ADAMTS17: variants seen among roughly 807,000 people sequenced by gnomAD.
The protein encoded by ADAMTS17 is ADAM metallopeptidase with thrombospondin type 1 motif 17.
In ADAMTS17, 113 loss-of-function variants were observed where a neutral mutation model predicts 141.5. The ratio of observed to expected loss-of-function variants is 0.80; its 90% CI spans 0.69 to 0.93. The LOEUF is 0.93. Ranked by LOEUF, ADAMTS17 falls within the 40% of genes least tolerant of loss-of-function variation. ADAMTS17 has a pLI of 0.00. For missense variants in ADAMTS17, 1,659 were observed against 1,517.9 expected, an observed-to-expected ratio of 1.09 and a Z score of -1.54; for synonymous variants, 768 against 630.6, an observed-to-expected ratio of 1.22 and a Z score of -3.27.
chr15:100,300,198 G>A (rs757082541), intron 3 of ADAMTS17, among the ~76,000 whole-genome samples: 15 of 152,058 alleles, frequency 9.9e-5, no homozygotes, highest in Non-Finnish European at 1.8e-4. Context: ...AGAGGCCTCT[G>A]GAGTGTCACA....
intron 7 of ADAMTS17, among the ~76,000 whole-genome samples, chr15:100,215,364 G>A (rs569819415): frequency 1.3e-5 from 2 of 152,312 alleles, no homozygotes; most frequent in African/African-American, 4.8e-5. Flanking sequence ...ATTAGGGCCC[G>A]AATGTCTGGC....
At chr15:100,286,509 T>C (rs57179756) in intron 3 of ADAMTS17, among the ~76,000 whole-genome samples, 22,628 of 152,048 alleles carry the variant, frequency 0.15, 2,639 homozygotes, top group African/African-American at 0.33. Flanking sequence ...AAAACAAAGC[T>C]GGGAAACTCA....
At position 100,014,356 on chromosome 15, in the gene ADAMTS17, A is replaced by T. The variant is rs554603214; in HGVS notation, c.2592-16767T>A. Among the ~76,000 whole-genome samples the T allele has an allele frequency of 1.1e-4, 16 of 151,698 alleles. No homozygotes were observed. The South Asian group carries it at 2.9e-3, about 28-fold the overall frequency. On this transcript the variant is annotated intron_variant, in intron 18 of 21. Transcript: ENST00000268070. ...ACCAGCTTTTTGTTTATCTTTTTTT[A>T]AATTCAATTTCATTTAGTTCTGCTC...
intron 19 of ADAMTS17, among the ~76,000 whole-genome samples, chr15:99,995,716 A>C (rs776486026): frequency 7.9e-5 from 12 of 152,220 alleles, no homozygotes; most frequent in Non-Finnish European, 1.5e-4. Flanking sequence ...CTTCCAGCGG[A>C]AGACAGTCTC....
At chr15:100,310,823 C>T (rs926327088) in intron 3 of ADAMTS17, among the ~76,000 whole-genome samples, 7 of 152,198 alleles carry the variant, frequency 4.6e-5, no homozygotes, top group African/African-American at 1.2e-4. Flanking sequence ...GAGAAAGGTA[C>T]CAGCTCCTTC....
In ADAMTS17 at chr15:100,279,278, C is replaced by T. The variant is rs139709479; in HGVS notation, c.789+1951G>A. On this transcript the variant is annotated intron_variant, in intron 4 of 21. Transcript: ENST00000268070. ...TTGGGCTTCATGTCAGAGCCAACTT[C>T]CTCCCCAGCACTTACCCCTGAGCTC... Among the ~76,000 whole-genome samples, 861 of 152,344 alleles carry T rather than the reference C, an allele frequency of 5.7e-3. 3 individuals are homozygous for T. The highest frequency in any genetic ancestry group is 7.8e-3 in the Non-Finnish European group (528 of 68,030).
intron 4 of ADAMTS17, among the ~76,000 whole-genome samples, chr15:100,277,569 A>T (rs1181247773): frequency 6.6e-6 from 1 of 152,208 alleles, no homozygotes; most frequent in Admixed American, 6.5e-5. Flanking sequence ...AGATGAAAAC[A>T]TCTGGTGCAG....
Position 99,975,962 on chromosome 15 carries a change from G to A in ADAMTS17, c.3127+83C>T. On this transcript the variant is annotated intron_variant, in intron 21 of 21. Transcript: ENST00000268070. ...AGGCCCAAGAAGGGGCTTTCTGGCT[G>A]AAAGAACCTCACCGTCAGGGAGGAC... is the stretch of plus-strand genomic sequence containing the variant. 2.8e-6 allele frequency: 4 copies of A among 1,441,684 alleles called. No homozygotes were observed. The South Asian group carries it at 5.6e-5, about 20-fold the overall frequency. The allele number at this position is 1,441,684 out of a possible 1,614,324, so 89.3% of individuals were successfully genotyped here. A position where few individuals can be genotyped will look rare whatever the true frequency, so the allele number is the denominator to read the frequency against.
At chr15:100,170,903 G>A (rs1447115152) in intron 8 of ADAMTS17, among the ~76,000 whole-genome samples, 1 of 152,154 alleles carries the variant, frequency 6.6e-6, no homozygotes, top group East Asian at 1.9e-4. Context: ...GGTGGCACCC[G>A]TTACTTTATT....
At chr15:100,273,798 TTAAG>T (rs2043991261) in intron 4 of ADAMTS17, among the ~76,000 whole-genome samples, 1 of 152,178 alleles carries the variant, frequency 6.6e-6, no homozygotes, top group African/African-American at 2.4e-5. Flanking sequence ...ATTTTTCTTT[TTAAG>T]TGTTTACCGC....
At chr15:100,177,262 C>T (rs1467829940) in intron 8 of ADAMTS17, among the ~76,000 whole-genome samples, 1 of 152,224 alleles carries the variant, frequency 6.6e-6, no homozygotes, top group Non-Finnish European at 1.5e-5. Context: ...AATCTTTCGT[C>T]TTTTCTAATG....
intron 15 of ADAMTS17, among the ~76,000 whole-genome samples, chr15:100,094,995 C>T (rs1349694530): frequency 6.6e-6 from 1 of 152,214 alleles, no homozygotes; most frequent in East Asian, 1.9e-4. Context: ...CCGTGTGCAG[C>T]AACGGAGTAC....
intron 10 of ADAMTS17, among the ~76,000 whole-genome samples, chr15:100,143,303 T>C (rs2038746310): frequency 6.6e-6 from 1 of 152,222 alleles, no homozygotes; most frequent in South Asian, 2.1e-4. Flanking sequence ...CACCCTCTGC[T>C]TCACCTGGAA....
At chr15:100,105,512 C>T (rs755093116) in intron 14 of ADAMTS17, among the ~76,000 whole-genome samples, 3 of 152,080 alleles carry the variant, frequency 2.0e-5, no homozygotes, top group Admixed American at 6.6e-5. Context: ...TCACTCCCAT[C>T]ACATCTGCAA....
rs909925560 is a variant in ADAMTS17 at position 100,035,729 on chromosome 15, C to A, written c.2591+13128G>T. ...TGGCCTCCCTGTACAGTTTACAACA[C>A]CCTTTTTCATCTTGTCCAGTACTAA... On this transcript the variant is annotated intron_variant, in intron 18 of 21. Coordinates refer to ENST00000268070, the MANE Select transcript of ADAMTS17 (RefSeq NM_139057.4). 1.4e-4 allele frequency among the ~76,000 whole-genome samples: 22 copies of A among 152,236 alleles called. No individual in the cohort carries two copies. The East Asian group carries it at 4.1e-3, about 28-fold the overall frequency.
chr15:100,031,997 G>A (rs555643211), intron 18 of ADAMTS17, among the ~76,000 whole-genome samples: 27 of 152,330 alleles, frequency 1.8e-4, no homozygotes, highest in African/African-American at 6.0e-4. Context: ...CAGGAATGAC[G>A]GAGGTGTCCT....
At chr15:100,117,521 C>A (rs7173066) in intron 12 of ADAMTS17, among the ~76,000 whole-genome samples, 7,875 of 152,132 alleles carry the variant, frequency 0.052, 342 homozygotes, top group South Asian at 0.14. Flanking sequence ...TGGGCTTTGA[C>A]TGGAGACCAG....
intron 8 of ADAMTS17, among the ~76,000 whole-genome samples, chr15:100,160,057 C>A: frequency 1.2e-5 from 1 of 85,600 alleles, no homozygotes; most frequent in South Asian, 3.2e-4. Flanking sequence ...CTGGAATGGC[C>A]CCCCAGTAAA....
At chr15:100,161,421 TC>T (rs59012559) in intron 8 of ADAMTS17, among the ~76,000 whole-genome samples, 3,088 of 152,204 alleles carry the variant, frequency 0.02, 161 homozygotes, top group East Asian at 0.19. Context: ...GTGGAATGAA[TC>T]CCCGGAGTGG....
Sources: gnomAD v4.1 joint callset for allele counts (sites outside exome capture counted in the v4.1 genomes callset) on GRCh38, gnomAD v4.1.1 for gene constraint, MANE v1.5 for transcripts, NCBI Gene and HGNC (gene_info 2026-07-23, HGNC 2026-07-21) for gene names.